The following NINJ1 variants were observed in gnomAD, a reference collection of about 807,000 sequenced individuals.
NINJ1 encodes the protein ninjurin 1.
NINJ1 carries 6 observed loss-of-function variants against 12.7 expected under a neutral mutation model. The ratio of observed to expected loss-of-function variants is 0.47; its 90% CI spans 0.26 to 0.93. The LOEUF (loss-of-function observed/expected upper bound fraction) is 0.93, where lower values mean the gene tolerates loss of function less well. Among genes scored for constraint, NINJ1 ranks in the 40% least tolerant of loss-of-function variants. The pLI, the probability that NINJ1 is intolerant of heterozygous loss-of-function variation, is 0.15. For synonymous variants in NINJ1, 100 were observed against 96.0 expected (o/e 1.04, Z -0.25); for missense variants, 170 against 213.0 (o/e 0.80, Z 1.26).
At chr9:93,132,641 T>C (rs1827912139) in intron 1 of NINJ1, among the ~76,000 whole-genome samples, 1 of 152,238 alleles carries the variant, frequency 6.6e-6, no homozygotes, top group Admixed American at 6.5e-5. Flanking sequence ...TCTCCTGCCC[T>C]GTCTGGGCTG....
intron 1 of NINJ1, among the ~76,000 whole-genome samples, 158 bp downstream of exon 1, chr9:93,133,985 G>C (rs1827937219): frequency 6.6e-6 from 1 of 152,174 alleles, no homozygotes; most frequent in Non-Finnish European, 1.5e-5. Flanking sequence ...CGGGGGCATC[G>C]TTCTGACCCT....
intron 1 of NINJ1, among the ~76,000 whole-genome samples, chr9:93,130,430 A>G (rs56334521): frequency 0.1 from 15,833 of 152,212 alleles, 914 homozygotes; most frequent in South Asian, 0.17. Flanking sequence ...GTTCTGGCTC[A>G]CCCAGGGCTT....
chr9:93,134,160 C>T lies in NINJ1; in HGVS notation c.58G>A (p.Gly20Ser). Reference sequence around the variant, plus strand: ...GGTCTTACCGAGGCGTCCGGGGAGCCGGGTGTGCCCGGAGGCAGGCCGCCG... The same window carrying T: ...GGTCTTACCGAGGCGTCCGGGGAGCTGGGTGTGCCCGGAGGCAGGCCGCCG... Reference protein sequence around the residue: ...LNGGLPPGTPGSPDASPARWG... With the variant: ...LNGGLPPGTPSSPDASPARWG... The change falls in exon 1 of 4, where the codon GGC (glycine) becomes AGC (serine). Residue 20 changes from glycine (G) to serine (S), a missense_variant. By Grantham distance (56) the Gly-to-Ser change is moderately conservative. Transcript: ENST00000375446. 6.4e-7 allele frequency: 1 copy of T among 1,556,946 alleles called. No homozygotes were observed. The highest frequency in any genetic ancestry group is 1.4e-5 in the African/African-American group (1 of 72,920).
chr9:93,132,270 C>A (rs1827905732), intron 1 of NINJ1, among the ~76,000 whole-genome samples: 1 of 152,164 alleles, frequency 6.6e-6, no homozygotes, highest in African/African-American at 2.4e-5. Flanking sequence ...AGTTTTCTAC[C>A]CCTCAAGGGG....
In NINJ1 at chr9:93,123,037, G is replaced by A. The variant is rs372339851; in HGVS notation, c.*10-807C>T. Among the ~76,000 whole-genome samples, 81 of 152,364 alleles carry A rather than the reference G, an allele frequency of 5.3e-4. 2 individuals are homozygous for A. Among genetic ancestry groups the A allele is most frequent in the African/African-American group, 1.8e-3 (74 of 41,590 alleles). On this transcript the variant is annotated intron_variant, in intron 3 of 3. Transcript: ENST00000375446. The stretch of plus-strand genomic sequence containing the variant: ...AGTGACTCGGACCCCACATGGGGCC[G>A]CCCAGATCCAGGTCCTTTCAGGAGG...
chr9:93,130,800 T>C (rs913796574), intron 1 of NINJ1, among the ~76,000 whole-genome samples: 1 of 152,082 alleles, frequency 6.6e-6, no homozygotes, highest in African/African-American at 2.4e-5. Flanking sequence ...CACAAAACAG[T>C]CACACAGCAA....
rs1204596849 is a variant in NINJ1 at position 93,134,074 on chromosome 9, C to T, written c.75+69G>A. 1.9e-5 allele frequency: 24 copies of T among 1,286,254 alleles called. No homozygotes were observed. The East Asian group carries it at 6.6e-4, about 36-fold the overall frequency. 79.7% of individuals were successfully genotyped at this position (1,286,254 alleles called of 1,614,324 possible). A position where few individuals can be genotyped will look rare whatever the true frequency, so the allele number is the denominator to read the frequency against. On this transcript the variant is annotated intron_variant, in intron 1 of 3. Coordinates refer to ENST00000375446, the MANE Select transcript of NINJ1 (RefSeq NM_004148.4). Reference sequence around the variant, plus strand: ...TGCGGACGCGGCGCACACAGGTGCCCGGGGAGCCGCGGCGCCCCGAAAGGA... The same window carrying T: ...TGCGGACGCGGCGCACACAGGTGCCTGGGGAGCCGCGGCGCCCCGAAAGGA...
Position 93,124,584 on chromosome 9 carries a change from T to C in NINJ1, c.*9+315A>G, listed in dbSNP as rs557738128. The stretch of plus-strand genomic sequence containing the variant: ...GCCACCGCGCCTGACCCAGAAATCT[T>C]TTTTTTTTTATCGGACAGACATTCT... On this transcript the variant is annotated intron_variant, in intron 3 of 3. Transcript: ENST00000375446. Among the ~76,000 whole-genome samples, 6 of 151,142 alleles carry C rather than the reference T, an allele frequency of 4.0e-5. No individual in the cohort carries two copies. In the East Asian group the frequency reaches 1.2e-3, roughly 30 times the overall value.
At chr9:93,132,342 G>C (rs1337667406) in intron 1 of NINJ1, among the ~76,000 whole-genome samples, 1 of 152,182 alleles carries the variant, frequency 6.6e-6, no homozygotes, top group Non-Finnish European at 1.5e-5. Flanking sequence ...ACCAGACCGT[G>C]ATCAGGCCTG....
At position 93,123,942 on chromosome 9, in the gene NINJ1, G is replaced by A. The variant is rs192795133; in HGVS notation, c.*9+957C>T. Among the ~76,000 whole-genome samples the A allele has an allele frequency of 2.8e-4, 42 of 152,390 alleles. No homozygotes were observed. In the East Asian group the frequency reaches 7.3e-3, roughly 27 times the overall value. ...GACACAGGGAGAGGCTGTATGTGGT[G>A]TGAGAAGTCTTCCTACACTGGGTGC... is the stretch of plus-strand genomic sequence containing the variant. On this transcript the variant is annotated intron_variant, in intron 3 of 3. Transcript: ENST00000375446.
intron 3 of NINJ1, among the ~76,000 whole-genome samples, chr9:93,123,035 C>A (rs1827756443): frequency 6.6e-6 from 1 of 152,252 alleles, no homozygotes; most frequent in South Asian, 2.1e-4. Context: ...CCACATGGGG[C>A]CGCCCAGATC....
intron 3 of NINJ1, among the ~76,000 whole-genome samples, chr9:93,123,910 G>C (rs1408816882): frequency 1.3e-5 from 2 of 152,248 alleles, no homozygotes; most frequent in Admixed American, 1.3e-4. Context: ...CACCCTCTCT[G>C]AGCAAGGACA....
chr9:93,123,815 G>A (rs1827770457), intron 3 of NINJ1, among the ~76,000 whole-genome samples: 1 of 152,258 alleles, frequency 6.6e-6, no homozygotes, highest in Non-Finnish European at 1.5e-5. Flanking sequence ...GGACTGTAGT[G>A]TGTGCACCAT....
At position 93,134,219 on chromosome 9, in the gene NINJ1, G is replaced by A. The variant is rs1388222842; in HGVS notation, c.-2C>T. 6.1e-6 allele frequency: 9 copies of A among 1,485,730 alleles called. No homozygotes were observed. Among genetic ancestry groups the A allele is most frequent in the African/African-American group, 5.8e-5 (4 of 69,498 alleles). The allele number at this position is 1,485,730 out of a possible 1,614,324, so 92.0% of individuals were successfully genotyped here. A position where few individuals can be genotyped will look rare whatever the true frequency, so the allele number is the denominator to read the frequency against. On this transcript the variant is annotated 5_prime_UTR_variant, in exon 1 of 4. Coordinates refer to ENST00000375446, the MANE Select transcript of NINJ1 (RefSeq NM_004148.4). ...GTACTCCTCGGTTCCCGAGTCCATG[G>A]TGCGGCCGCCCAGGCCGCCAGGATC...
intron 3 of NINJ1, 89 bp downstream of exon 3, chr9:93,124,810 T>C (rs1286558972): frequency 3.0e-5 from 42 of 1,419,114 alleles, no homozygotes; most frequent in Admixed American, 4.9e-5. Flanking sequence ...TGTCCAAGGC[T>C]GGCCGGCCAG....
intron 1 of NINJ1, among the ~76,000 whole-genome samples, chr9:93,126,910 C>T (rs1417632363): frequency 1.3e-5 from 2 of 152,196 alleles, no homozygotes; most frequent in Non-Finnish European, 2.9e-5. Flanking sequence ...CACTGGAAAG[C>T]ATTGCCCGAT....
At position 93,124,877 on chromosome 9, in the gene NINJ1, C is replaced by A. The variant is rs191154538; in HGVS notation, c.*9+22G>T. 172 of 1,584,386 alleles carry A rather than the reference C, an allele frequency of 1.1e-4. No homozygotes were observed. In the African/African-American group the frequency reaches 1.8e-3, roughly 16 times the overall value. On this transcript the variant is annotated intron_variant, in intron 3 of 3. Transcript: ENST00000375446. Reference sequence around the variant, plus strand: ...CGAGCAACCCCAGGACTGCAGGCCTCGCGCCCCATCTCCCAGCTCACCTGG... The same window carrying A: ...CGAGCAACCCCAGGACTGCAGGCCTAGCGCCCCATCTCCCAGCTCACCTGG...
At position 93,126,719 on chromosome 9, in the gene NINJ1, G is replaced by C. The variant is rs541396699; in HGVS notation, c.76-81C>G. The C allele has an allele frequency of 5.5e-6, 6 of 1,085,976 alleles. No homozygotes were observed. In the African/African-American group the frequency reaches 6.3e-5, roughly 11 times the overall value. 67.3% of individuals were successfully genotyped at this position (1,085,976 alleles called of 1,614,324 possible). ...CCTGAGTCGGGCTCTGGGGGTCACC[G>C]GGCCCTGCAGGTGAGGGCTTCCCTT... On this transcript the variant is annotated intron_variant, in intron 1 of 3. Transcript: ENST00000375446.
Position 93,134,197 on chromosome 9 carries a change from C to T in NINJ1, c.21G>A (p.Glu7=). The change falls in exon 1 of 4, where the codon GAG becomes GAA. Residue 7 remains glutamate (E), a synonymous_variant. Transcript: ENST00000375446. The part of the protein sequence containing the change: MDSGTE[E]YELNGGLPPG... Reference sequence around the variant, plus strand: ...GAGGCAGGCCGCCGTTGAGCTCGTACTCCTCGGTTCCCGAGTCCATGGTGC... The same window carrying T: ...GAGGCAGGCCGCCGTTGAGCTCGTATTCCTCGGTTCCCGAGTCCATGGTGC... The T allele has an allele frequency of 6.5e-7, 1 of 1,531,486 alleles. No homozygotes were observed. The highest frequency in any genetic ancestry group is 1.2e-5 in the South Asian group (1 of 81,976). 94.9% of individuals were successfully genotyped at this position (1,531,486 alleles called of 1,614,324 possible). A position where few individuals can be genotyped will look rare whatever the true frequency, so the allele number is the denominator to read the frequency against.
Sources: gnomAD v4.1 joint callset for allele counts (sites outside exome capture counted in the v4.1 genomes callset) on GRCh38, gnomAD v4.1.1 for gene constraint, MANE v1.5 for transcripts, NCBI Gene and HGNC (gene_info 2026-07-23, HGNC 2026-07-21) for gene names.